The following SHANK2 variants were observed in gnomAD, a reference collection of about 807,000 sequenced individuals.
SHANK2 encodes the protein SH3 and multiple ankyrin repeat domains protein 2.
A neutral mutation model predicts 133.7 loss-of-function variants in SHANK2; 43 were observed. That is an observed-to-expected ratio of 0.32 (90% CI 0.25 to 0.41). The LOEUF (loss-of-function observed/expected upper bound fraction) is 0.41, where lower values mean the gene tolerates loss of function less well. Ranked by LOEUF, SHANK2 falls within the 10% of genes least tolerant of loss-of-function variation. The pLI, the probability that SHANK2 is intolerant of heterozygous loss-of-function variation, is 1.00. For missense variants in SHANK2, 1,994 were observed against 2,235.8 expected (o/e 0.89, Z 2.18); for synonymous variants, 1,017 against 952.8 (o/e 1.07, Z -1.24).
At chr11:70,777,843 TC>T (rs1370742170) in intron 14 of SHANK2, among the ~76,000 whole-genome samples, 1 of 152,176 alleles carries the variant, frequency 6.6e-6, no homozygotes, top group Non-Finnish European at 1.5e-5. Flanking sequence ...GATTCCCAGG[TC>T]CCACCCCAGA....
At chr11:70,918,470 G>A (rs1950300812) in intron 10 of SHANK2, among the ~76,000 whole-genome samples, 1 of 152,222 alleles carries the variant, frequency 6.6e-6, no homozygotes, top group Admixed American at 6.5e-5. Context: ...GGGGAAGAAT[G>A]TGCCAAAGTC....
At chr11:70,616,498 A>C (rs1018143792) in intron 17 of SHANK2, among the ~76,000 whole-genome samples, 12 of 152,150 alleles carry the variant, frequency 7.9e-5, no homozygotes, top group Admixed American at 2.6e-4. Context: ...GGGGAGGCAG[A>C]GACAACTCAG....
rs994611584 is a variant in SHANK2 at position 70,473,798 on chromosome 11, C to T, written c.4980-359G>A. Reference sequence around the variant, plus strand: ...CTGGGGGGCAGGGCCGGGGGACCCTCGGGAGGGTGGCCACTGAGGCATTTG... The same window carrying T: ...CTGGGGGGCAGGGCCGGGGGACCCTTGGGAGGGTGGCCACTGAGGCATTTG... On this transcript the variant is annotated intron_variant, in intron 25 of 25. Transcript: ENST00000601538. This position sits in a 1 kb window ranked among gnomAD's most constrained non-coding sequence, Gnocchi z 5.9. 3.3e-5 allele frequency: 12 copies of T among 368,820 alleles called. No homozygotes were observed. Among genetic ancestry groups the T allele is most frequent in the East Asian group, 1.3e-4 (2 of 15,146 alleles). 22.8% of individuals were successfully genotyped at this position (368,820 alleles called of 1,614,324 possible).
At chr11:71,135,658 G>A (rs1952424376) in intron 3 of SHANK2, among the ~76,000 whole-genome samples, 1 of 152,048 alleles carries the variant, frequency 6.6e-6, no homozygotes, top group Non-Finnish European at 1.5e-5. Context: ...GTTTCACCAT[G>A]TTGGCCAGGC....
At chr11:70,799,224 C>T (rs973705985) in intron 13 of SHANK2, among the ~76,000 whole-genome samples, 3 of 152,048 alleles carry the variant, frequency 2.0e-5, no homozygotes, top group Non-Finnish European at 4.4e-5. Flanking sequence ...ATAGCCAAAC[C>T]GCGTCTCTAC....
intron 17 of SHANK2, among the ~76,000 whole-genome samples, chr11:70,640,582 A>T (rs1555005969): frequency 6.6e-6 from 1 of 152,220 alleles, no homozygotes; most frequent in Non-Finnish European, 1.5e-5. Context: ...TGCTTCAGAG[A>T]GGACTGCACG....
intron 12 of SHANK2, among the ~76,000 whole-genome samples, chr11:70,813,687 T>G (rs988045150): frequency 2.2e-4 from 33 of 152,096 alleles, no homozygotes; most frequent in Non-Finnish European, 8.8e-5. Context: ...TCCCAAGCCC[T>G]TAGCGTCTGT....
At chr11:70,665,312 T>A (rs1405895529) in intron 15 of SHANK2, among the ~76,000 whole-genome samples, 2 of 152,124 alleles carry the variant, frequency 1.3e-5, no homozygotes, top group African/African-American at 4.8e-5. Context: ...AGCTAATTTT[T>A]AATTTTTTTG....
intron 25 of SHANK2, among the ~76,000 whole-genome samples, chr11:70,484,496 T>G (rs1195026519): frequency 6.6e-6 from 1 of 152,122 alleles, no homozygotes; most frequent in Non-Finnish European, 1.5e-5. Flanking sequence ...GCTTCCCATA[T>G]AGCCTGCAGA....
intron 11 of SHANK2, among the ~76,000 whole-genome samples, chr11:70,879,038 T>A (rs1949616499): frequency 6.6e-6 from 1 of 152,162 alleles, no homozygotes; most frequent in Non-Finnish European, 1.5e-5. Context: ...GCTGCCCCCA[T>A]CTTGGTGGAC....
intron 2 of SHANK2, among the ~76,000 whole-genome samples, chr11:71,152,271 C>T (rs1456004551): frequency 5.3e-5 from 8 of 152,132 alleles, no homozygotes; most frequent in Non-Finnish European, 1.0e-4. Flanking sequence ...TGCCACCATG[C>T]CTTGCGAATT....
At chr11:70,748,800 A>G (rs1299440660) in intron 14 of SHANK2, among the ~76,000 whole-genome samples, 1 of 152,200 alleles carries the variant, frequency 6.6e-6, no homozygotes, top group African/African-American at 2.4e-5. Context: ...TGTGAAGACC[A>G]CTAGTGCCGA....
chr11:70,823,417 C>A (rs1278602999), intron 11 of SHANK2, among the ~76,000 whole-genome samples: 1 of 118,026 alleles, frequency 8.5e-6, no homozygotes, highest in Admixed American at 8.6e-5. Context: ...GTTGGCAGAA[C>A]TCGGGGGACA....
chr11:70,945,278 G>A (rs1950706834), intron 10 of SHANK2, among the ~76,000 whole-genome samples: 2 of 152,176 alleles, frequency 1.3e-5, no homozygotes. Flanking sequence ...GCCCTGGGGT[G>A]AGCATGTGTT....
chr11:70,485,895 G>T lies in SHANK2; in HGVS notation c.4398C>A (p.Ala1466=), dbSNP rs2058795953. The T allele has an allele frequency of 1.2e-6, 2 of 1,614,152 alleles. No homozygotes were observed. Among genetic ancestry groups the T allele is most frequent in the East Asian group, 4.5e-5 (2 of 44,892 alleles). ...AGGCAGGCAGACAGTTTGAAAGACT[G>T]GCTGGCTTCTTGCTGTCTGCAGAGT... ...PTNSADSKKP[A]SLSNCLPASF... The change falls in exon 25 of 26, where the codon GCC becomes GCA. Residue 1466 remains alanine, a synonymous_variant. Transcript: ENST00000601538. This position sits in a 1 kb window ranked among gnomAD's most constrained non-coding sequence, Gnocchi z 5.8.
chr11:70,911,788 G>C (rs1327900592), intron 10 of SHANK2, among the ~76,000 whole-genome samples: 2 of 152,034 alleles, frequency 1.3e-5, no homozygotes, highest in African/African-American at 4.8e-5. Flanking sequence ...AATGGTGGTA[G>C]AACTGGTCAG....
intron 10 of SHANK2, among the ~76,000 whole-genome samples, chr11:70,944,750 T>C (rs573032701): frequency 3.6e-4 from 55 of 152,334 alleles, no homozygotes; most frequent in African/African-American, 1.3e-3. Context: ...TTGTCTTGGA[T>C]GATCTCTTTG....
chr11:70,559,005 T>C (rs2059870748), intron 17 of SHANK2, among the ~76,000 whole-genome samples: 1 of 152,138 alleles, frequency 6.6e-6, no homozygotes, highest in Non-Finnish European at 1.5e-5. Flanking sequence ...ATAACAATTT[T>C]CTCATTTCAC....
chr11:70,641,628 C>G (rs1202721975), intron 17 of SHANK2, among the ~76,000 whole-genome samples: 1 of 152,218 alleles, frequency 6.6e-6, no homozygotes, highest in African/African-American at 2.4e-5. Context: ...GCCCGGTGAC[C>G]TGGGCATCTG....
Sources: allele counts gnomAD v4.1 joint callset (sites outside exome capture counted in the v4.1 genomes callset), GRCh38; gene constraint gnomAD v4.1.1; non-coding constraint Gnocchi (gnomAD v3.1); transcripts MANE v1.5; gene names NCBI Gene and HGNC (gene_info 2026-07-23, HGNC 2026-07-21).